ARHGAP26: variants seen among roughly 807,000 people sequenced by gnomAD.
The protein encoded by ARHGAP26 is Rho GTPase activating protein 26.
Under a neutral mutation model 104.8 loss-of-function variants are expected in ARHGAP26, and 38 were observed. The observed-to-expected ratio is 0.36, with a 90% CI of 0.28 to 0.48. The LOEUF is 0.48. ARHGAP26 is among the 20% of genes least tolerant of loss of function. The pLI is 0.99. For synonymous variants in ARHGAP26, 341 were observed against 340.0 expected (o/e 1.00, Z -0.03); for missense variants, 704 against 947.9 (o/e 0.74, Z 3.38).
chr5:143,017,034 C>CT (rs1196858333), intron 12 of ARHGAP26, among the ~76,000 whole-genome samples: 1 of 152,184 alleles, frequency 6.6e-6, no homozygotes, highest in Non-Finnish European at 1.5e-5. Context: ...AATCTAAACT[C>CT]TTTTAAAGAT....
chr5:142,984,795 C>T (rs1338291686), intron 11 of ARHGAP26, among the ~76,000 whole-genome samples: 1 of 152,118 alleles, frequency 6.6e-6, no homozygotes. Flanking sequence ...AACAAACCTA[C>T]CATGCTCTCA....
At chr5:142,906,875 A>G (rs1250515866) in intron 8 of ARHGAP26, among the ~76,000 whole-genome samples, 2 of 148,678 alleles carry the variant, frequency 1.3e-5, no homozygotes, top group Non-Finnish European at 3.0e-5. Context: ...TGTTTAAACA[A>G]TTTTTTTTTT....
chr5:143,197,293 C>T (rs757122962), intron 20 of ARHGAP26, among the ~76,000 whole-genome samples: 1 of 152,170 alleles, frequency 6.6e-6, no homozygotes, highest in Non-Finnish European at 1.5e-5. Context: ...TAATGCTACA[C>T]TATTTTTGAA....
At chr5:142,771,003 C>A in intron 1 of ARHGAP26, 88 bp downstream of exon 1, 1 of 1,482,322 alleles carries the variant, frequency 6.7e-7, no homozygotes, top group South Asian at 1.3e-5. Flanking sequence ...GCGCGTCTGC[C>A]GGGTTTCTGC....
At chr5:142,957,888 T>G (rs1769524520) in intron 11 of ARHGAP26, among the ~76,000 whole-genome samples, 1 of 152,268 alleles carries the variant, frequency 6.6e-6, no homozygotes, top group African/African-American at 2.4e-5. Flanking sequence ...TTGCACATGC[T>G]CAGGTTCTCA....
At chr5:143,118,013 A>G (rs1200852160) in intron 17 of ARHGAP26, among the ~76,000 whole-genome samples, 5 of 152,222 alleles carry the variant, frequency 3.3e-5, no homozygotes, top group Admixed American at 3.3e-4. Context: ...AGGGATGACA[A>G]CACTGTGTAA....
intron 1 of ARHGAP26, among the ~76,000 whole-genome samples, chr5:142,854,635 ACC>A (rs1752054916): frequency 6.6e-6 from 1 of 152,226 alleles, no homozygotes; most frequent in Non-Finnish European, 1.5e-5. Flanking sequence ...AGTTATTCTT[ACC>A]TTCAGCAAAG....
At chr5:143,109,119 G>A (rs1223554235) in intron 17 of ARHGAP26, among the ~76,000 whole-genome samples, 4 of 152,180 alleles carry the variant, frequency 2.6e-5, no homozygotes, top group Non-Finnish European at 4.4e-5. Flanking sequence ...ATTAATATTG[G>A]TGCTGATCAT....
intron 11 of ARHGAP26, chr5:142,969,383 A>G (rs995958583): frequency 1.3e-5 from 2 of 152,206 alleles, no homozygotes; most frequent in African/African-American, 4.8e-5. Flanking sequence ...GATGAAGATG[A>G]AGCTGTTTTC....
intron 18 of ARHGAP26, among the ~76,000 whole-genome samples, chr5:143,123,869 A>G (rs540320649): frequency 6.6e-6 from 1 of 152,252 alleles, no homozygotes; most frequent in South Asian, 2.1e-4. Flanking sequence ...TAAATAAATA[A>G]AATGTTTTAG....
chr5:143,212,688 A>G (rs988678534), intron 21 of ARHGAP26, among the ~76,000 whole-genome samples: 1 of 152,196 alleles, frequency 6.6e-6, no homozygotes, highest in African/African-American at 2.4e-5. Flanking sequence ...AATTCGAGAT[A>G]ACCATTTACT....
intron 11 of ARHGAP26, among the ~76,000 whole-genome samples, chr5:143,009,787 A>G (rs1204738466): frequency 1.3e-5 from 2 of 152,184 alleles, no homozygotes; most frequent in Non-Finnish European, 2.9e-5. Context: ...TAGAAACCCA[A>G]AGGAGATAAT....
intron 17 of ARHGAP26, among the ~76,000 whole-genome samples, chr5:143,118,498 C>T (rs144172530): frequency 1.8e-4 from 27 of 152,300 alleles, no homozygotes; most frequent in African/African-American, 6.0e-4. Context: ...AGGCCAGGCA[C>T]AGTGGCTCAC....
chr5:142,826,092 A>C (rs1767204099), intron 1 of ARHGAP26, among the ~76,000 whole-genome samples: 1 of 152,182 alleles, frequency 6.6e-6, no homozygotes, highest in South Asian at 2.1e-4. Context: ...GTCTCACGAG[A>C]GTGTTAATGA....
chr5:143,010,249 G>A (rs982372025), intron 11 of ARHGAP26, among the ~76,000 whole-genome samples: 3 of 152,190 alleles, frequency 2.0e-5, no homozygotes, highest in African/African-American at 4.8e-5. Flanking sequence ...TGCCTAGAAA[G>A]GTAAAAGGGT....
intron 20 of ARHGAP26, among the ~76,000 whole-genome samples, chr5:143,159,862 G>C (rs1250404555): frequency 2.0e-5 from 3 of 152,196 alleles, no homozygotes; most frequent in Non-Finnish European, 2.9e-5. Flanking sequence ...CAGATGGGAT[G>C]GTGATCTGTG....
intron 20 of ARHGAP26, chr5:143,192,448 A>C (rs895650607): frequency 6.6e-6 from 1 of 152,286 alleles, no homozygotes. Flanking sequence ...ACATCCAGCC[A>C]GGTGCCTGCT....
chr5:142,791,006 A>G (rs1759686176), intron 1 of ARHGAP26, among the ~76,000 whole-genome samples: 3 of 152,038 alleles, frequency 2.0e-5, no homozygotes, highest in South Asian at 4.1e-4. Context: ...ACTTTTTTCT[A>G]GAAGCAACTC....
intron 5 of ARHGAP26, 129 bp from the exon 6 acceptor site, chr5:142,894,109 C>T: frequency 1.6e-6 from 1 of 634,062 alleles, no homozygotes; most frequent in Non-Finnish European, 2.8e-6. Flanking sequence ...AGTTATTCTT[C>T]TTCTGTGTAA....
Sources: allele counts gnomAD v4.1 joint callset (sites outside exome capture counted in the v4.1 genomes callset), GRCh38; gene constraint gnomAD v4.1.1; transcripts MANE v1.5; gene names NCBI Gene and HGNC (gene_info 2026-07-23, HGNC 2026-07-21).